CD200R1: variants seen among roughly 807,000 people sequenced by gnomAD.
CD200R1 encodes the protein CD200 receptor 1.
A neutral mutation model predicts 38.1 loss-of-function variants in CD200R1; 30 were observed. That is an observed-to-expected ratio of 0.79 (90% CI 0.59 to 1.07). CD200R1 has a LOEUF of 1.07. Ranked by LOEUF, CD200R1 falls within the 50% of genes least tolerant of loss-of-function variation. The pLI, the probability that CD200R1 is intolerant of heterozygous loss-of-function variation, is 0.00. For missense variants in CD200R1, 372 were observed against 415.4 expected, an observed-to-expected ratio of 0.90 and a Z score of 0.91; for synonymous variants, 128 against 152.1, an observed-to-expected ratio of 0.84 and a Z score of 1.16.
rs1252986267 is a variant in CD200R1, at chr3:112,931,168, G to A, written c.140C>T (p.Ser47Leu). 2.5e-6 allele frequency: 4 copies of A among 1,589,502 alleles called. No homozygotes were observed. The Admixed American group carries it at 6.7e-5, about 26-fold the overall frequency. ...QTSKENHALA[S>L]SSLCMDEKQI... The stretch of plus-strand genomic sequence containing the variant: ...TTTTTCATCCATACATAAACTGCTT[G>A]AAGCTAGAAAATATTTAGAGAAGAA... Residue 47 changes from serine (S) to leucine (L), a missense_variant, in exon 3 of 8, where the codon TCA (serine) becomes TTA (leucine). Transcript: ENST00000308611.
intron 2 of CD200R1, among the ~76,000 whole-genome samples, chr3:112,935,458 A>G (rs141338708): frequency 1.6e-3 from 241 of 152,324 alleles, no homozygotes; most frequent in Admixed American, 3.9e-3. Flanking sequence ...CAAATACATG[A>G]AAGTTAAACA....
intron 2 of CD200R1, among the ~76,000 whole-genome samples, chr3:112,940,388 G>A (rs529157973): frequency 7.2e-4 from 110 of 151,902 alleles, no homozygotes; most frequent in African/African-American, 2.5e-3. Context: ...CTTACAGAAT[G>A]GGATAAAATA....
At chr3:112,932,502 T>A (rs2107307986) in intron 2 of CD200R1, among the ~76,000 whole-genome samples, 1 of 151,144 alleles carries the variant, frequency 6.6e-6, no homozygotes, top group South Asian at 2.1e-4. Context: ...TGGGAAACAG[T>A]CCTGTGCCTC....
rs747256388 is a variant in CD200R1, at chr3:112,929,000, C to G, written c.585G>C (p.Gly195=). 5.6e-6 allele frequency: 9 copies of G among 1,613,810 alleles called. No individual in the cohort carries two copies. The South Asian group carries it at 9.9e-5, about 18-fold the overall frequency. Residue 195 remains glycine (G), a synonymous_variant, in exon 5 of 8, where the codon GGG becomes GGC. Transcript: ENST00000308611. ...TCCAGGAGATATGCGCAGCTGGCTT[C>G]CCTGCAACTGCCTTGCATACTGCAG... The part of the protein sequence containing the change: ...NRTAVCKAVA[G]KPAAHISWIP...
At chr3:112,954,243 T>C (rs957414986) in intron 1 of CD200R1, among the ~76,000 whole-genome samples, 4 of 152,200 alleles carry the variant, frequency 2.6e-5, no homozygotes, top group Non-Finnish European at 4.4e-5. Flanking sequence ...CCTCCTGTTA[T>C]TGATTTCAGG....
intron 1 of CD200R1, among the ~76,000 whole-genome samples, chr3:112,959,677 G>T (rs1224065679): frequency 6.6e-6 from 1 of 151,950 alleles, no homozygotes; most frequent in Non-Finnish European, 1.5e-5. Flanking sequence ...CTCTACATTT[G>T]GTGAGTCAAG....
chr3:112,964,740 G>A (rs1431461886), intron 1 of CD200R1, among the ~76,000 whole-genome samples: 9 of 152,196 alleles, frequency 5.9e-5, no homozygotes, highest in Non-Finnish European at 8.8e-5. Flanking sequence ...TTGGGGAACT[G>A]TTGGGAAGGG....
chr3:112,961,462 T>A (rs1933017657), intron 1 of CD200R1, among the ~76,000 whole-genome samples: 1 of 152,126 alleles, frequency 6.6e-6, no homozygotes, highest in Non-Finnish European at 1.5e-5. Context: ...TTGTTTTTTT[T>A]AATCTTAAGA....
intron 2 of CD200R1, among the ~76,000 whole-genome samples, chr3:112,940,454 A>G (rs1940701744): frequency 6.6e-6 from 1 of 151,890 alleles, no homozygotes; most frequent in Non-Finnish European, 1.5e-5. Flanking sequence ...AGGAATTCAA[A>G]TATCTCCACA....
At chr3:112,928,151 C>T (rs1193038392) in intron 5 of CD200R1, among the ~76,000 whole-genome samples, 1 of 152,042 alleles carries the variant, frequency 6.6e-6, no homozygotes, top group Non-Finnish European at 1.5e-5. Flanking sequence ...GCACTAATTA[C>T]CAGAAGAAAC....
At chr3:112,942,887 A>G (rs1435964147) in intron 2 of CD200R1, among the ~76,000 whole-genome samples, 1 of 151,728 alleles carries the variant, frequency 6.6e-6, no homozygotes, top group African/African-American at 2.4e-5. Context: ...ATGATGTGTT[A>G]TCATTACATA....
intron 2 of CD200R1, among the ~76,000 whole-genome samples, chr3:112,946,890 C>T (rs1308525239): frequency 1.3e-5 from 2 of 151,782 alleles, no homozygotes; most frequent in Non-Finnish European, 2.9e-5. Context: ...GCCAAGATGT[C>T]TTTTACCAGG....
At chr3:112,935,557 C>A (rs914264207) in intron 2 of CD200R1, among the ~76,000 whole-genome samples, 2 of 151,924 alleles carry the variant, frequency 1.3e-5, no homozygotes, top group African/African-American at 2.4e-5. Flanking sequence ...CACAAAATAC[C>A]AAAACCTAAG....
At chr3:112,949,681 C>T (rs183437628) in intron 1 of CD200R1, among the ~76,000 whole-genome samples, 603 of 152,288 alleles carry the variant, frequency 4.0e-3, no homozygotes, top group Non-Finnish European at 6.8e-3. Flanking sequence ...AGGATAGATA[C>T]ACAACCCAAA....
At chr3:112,946,019 C>T (rs1418482877) in intron 2 of CD200R1, among the ~76,000 whole-genome samples, 1 of 111,466 alleles carries the variant, frequency 9.0e-6, no homozygotes, top group Non-Finnish European at 1.7e-5. Context: ...GGCGACAAAG[C>T]GAGACTCCGT....
intron 1 of CD200R1, among the ~76,000 whole-genome samples, chr3:112,963,005 T>C (rs1037831498): frequency 2.0e-5 from 3 of 152,204 alleles, no homozygotes; most frequent in African/African-American, 4.8e-5. Context: ...GTTCTCATGA[T>C]AGTGATTAAG....
chr3:112,951,549 A>T (rs1390387183), intron 1 of CD200R1, among the ~76,000 whole-genome samples: 1 of 151,890 alleles, frequency 6.6e-6, no homozygotes. Context: ...ACACATTATG[A>T]AATTTTTTCA....
At chr3:112,951,311 GA>G (rs1391500960) in intron 1 of CD200R1, among the ~76,000 whole-genome samples, 5 of 151,796 alleles carry the variant, frequency 3.3e-5, no homozygotes, top group African/African-American at 1.2e-4. Flanking sequence ...ACCTACTTAA[GA>G]ATAAAAAAAC....
chr3:112,946,419 A>T (rs929482648), intron 2 of CD200R1, among the ~76,000 whole-genome samples: 1 of 152,204 alleles, frequency 6.6e-6, no homozygotes, highest in East Asian at 1.9e-4. Context: ...GACATATCCG[A>T]TAAAAGACTG....
Sources: gnomAD v4.1 joint callset for allele counts (sites outside exome capture counted in the v4.1 genomes callset) on GRCh38, gnomAD v4.1.1 for gene constraint, MANE v1.5 for transcripts, NCBI Gene and HGNC (gene_info 2026-07-23, HGNC 2026-07-21) for gene names.